Variants in PCDHA4 observed in about 807,000 individuals in gnomAD.
The protein encoded by PCDHA4 is protocadherin alpha 4.
In PCDHA4, 49 loss-of-function variants were observed where a neutral mutation model predicts 61.4. The observed-to-expected ratio is 0.80, with a 90% CI of 0.63 to 1.01. The LOEUF (loss-of-function observed/expected upper bound fraction) is 1.01, where lower values mean the gene tolerates loss of function less well. Among genes scored for constraint, PCDHA4 ranks in the 50% least tolerant of loss-of-function variants. The pLI, the probability that PCDHA4 is intolerant of heterozygous loss-of-function variation, is 0.00. For synonymous variants in PCDHA4, 590 were observed against 550.3 expected, an observed-to-expected ratio of 1.07 and a Z score of -1.01; for missense variants, 1,254 against 1,235.8, an observed-to-expected ratio of 1.01 and a Z score of -0.22.
chr5:140,905,086 G>A (rs1454643340), intron 1 of PCDHA4, among the ~76,000 whole-genome samples: 1 of 152,056 alleles, frequency 6.6e-6, no homozygotes, highest in Non-Finnish European at 1.5e-5. Flanking sequence ...CTTTCTTTTG[G>A]GTTCTCAGTC....
At chr5:140,969,251 A>T in intron 1 of PCDHA4, 3 of 1,614,262 alleles carry the variant, frequency 1.9e-6, no homozygotes, top group Non-Finnish European at 2.5e-6. Context: ...AGTGACTGAC[A>T]GCAGGAATCT....
At chr5:140,865,232 A>T (rs577307618) in intron 1 of PCDHA4, 1 of 152,202 alleles carries the variant, frequency 6.6e-6, no homozygotes, top group Non-Finnish European at 1.5e-5. Context: ...ATCCCAGAGA[A>T]CACGTATTTA....
chr5:140,812,658 C>T (rs1765153974), intron 1 of PCDHA4: 1 of 152,166 alleles, frequency 6.6e-6, no homozygotes, highest in African/African-American at 2.4e-5. Context: ...CAAGATCTCA[C>T]TATGATGTAC....
chr5:140,856,154 G>C lies in PCDHA4; in HGVS notation c.2385+46582G>C, dbSNP rs147800828. The stretch of plus-strand genomic sequence containing the variant: ...CGGCCAGCTCCACTACTCAGTCTAC[G>C]AGGAGGCCAGACACGGCACCTTCGT... On this transcript the variant is annotated intron_variant, in intron 1 of 3. Transcript: ENST00000530339. 5.9e-5 allele frequency: 95 copies of C among 1,598,194 alleles called. 6 individuals are homozygous for C. The highest frequency in any genetic ancestry group is 7.7e-5 in the Non-Finnish European group (90 of 1,167,888).
At chr5:140,825,959 T>C (rs1434784676) in intron 1 of PCDHA4, 5 of 152,496 alleles carry the variant, frequency 3.3e-5, no homozygotes, top group African/African-American at 1.2e-4. Context: ...ATTTGTCTAC[T>C]CTTTTGAGGG....
chr5:140,810,209 A>G (rs1271368005), intron 1 of PCDHA4: 1 of 152,252 alleles, frequency 6.6e-6, no homozygotes, highest in Non-Finnish European at 1.5e-5. Flanking sequence ...GTACTATTTC[A>G]TAAATATACT....
chr5:140,983,807 G>T (rs1158459034), intron 3 of PCDHA4, among the ~76,000 whole-genome samples: 1 of 152,100 alleles, frequency 6.6e-6, no homozygotes, highest in African/African-American at 2.4e-5. Context: ...TGTGTAAAAG[G>T]TTTTTTCCCA....
chr5:140,924,896 AAAAAAAAAAT>A (rs1244420537), intron 1 of PCDHA4, among the ~76,000 whole-genome samples: 4 of 69,138 alleles, frequency 5.8e-5, no homozygotes, highest in African/African-American at 1.0e-4. Flanking sequence ...ACCTGTCTCA[AAAAAAAAAAT>A]AAAATAAAAT....
In PCDHA4 at chr5:140,843,765, A is replaced by G. The variant is rs2150366342; in HGVS notation, c.2385+34193A>G. 3 of 1,487,856 alleles carry G rather than the reference A, an allele frequency of 2.0e-6. No homozygotes were observed. In the South Asian group the frequency reaches 3.6e-5, roughly 18 times the overall value. The allele number at this position is 1,487,856 out of a possible 1,614,324, so 92.2% of individuals were successfully genotyped here. On this transcript the variant is annotated intron_variant, in intron 1 of 3. Transcript: ENST00000530339. ...CATAAATTCTATTTGTGGAAATTGT[A>G]GTTACTTTAAAAGTGTTTCAGATTT...
At chr5:140,841,181 C>A (rs1777072934) in intron 1 of PCDHA4, 2 of 1,156,492 alleles carry the variant, frequency 1.7e-6, no homozygotes, top group Non-Finnish European at 2.4e-6. Flanking sequence ...GGTCAATGTT[C>A]AAAGTCTTTT....
chr5:140,923,139 A>G (rs1213586565), intron 1 of PCDHA4, among the ~76,000 whole-genome samples: 3 of 152,188 alleles, frequency 2.0e-5, no homozygotes, highest in Non-Finnish European at 2.9e-5. Context: ...TGAAGGTGGA[A>G]TATAAAAAAA....
intron 1 of PCDHA4, chr5:140,836,329 T>C: frequency 6.2e-7 from 1 of 1,613,654 alleles, no homozygotes; most frequent in Non-Finnish European, 8.5e-7. Context: ...CGCCTTCTGG[T>C]GCTTGTGAAG....
intron 1 of PCDHA4, among the ~76,000 whole-genome samples, chr5:140,818,769 G>C (rs1766434605): frequency 6.6e-6 from 1 of 152,182 alleles, no homozygotes; most frequent in Non-Finnish European, 1.5e-5. Context: ...GCCTGAGGCT[G>C]CAATGAACTT....
intron 1 of PCDHA4, among the ~76,000 whole-genome samples, chr5:140,894,192 T>C (rs1554185971): frequency 4.6e-5 from 7 of 152,168 alleles, no homozygotes; most frequent in Non-Finnish European, 1.5e-5. Flanking sequence ...TTATATATTT[T>C]TTCTATGCTA....
intron 1 of PCDHA4, chr5:140,871,648 T>G: frequency 7.8e-7 from 1 of 1,275,766 alleles, no homozygotes. Context: ...AAATACCAAA[T>G]GATACACATC....
At position 140,876,392 on chromosome 5, in the gene PCDHA4, A is replaced by C. The variant is rs373053230; in HGVS notation, c.2385+66820A>C. ...ACAGGTGAAATTAGAATTTATGGTG[A>C]ACTGGATTTTGAAGAGAATAATGCC... On this transcript the variant is annotated intron_variant, in intron 1 of 3. Transcript: ENST00000530339. 1.2e-4 allele frequency: 194 copies of C among 1,613,822 alleles called. No individual in the cohort carries two copies. The highest frequency in any genetic ancestry group is 1.6e-4 in the Non-Finnish European group (184 of 1,179,914).
chr5:141,011,890 A>G lies in PCDHA4; in HGVS notation c.*1953A>G, dbSNP rs7701616. 0.061 allele frequency: 9,307 copies of G among 153,488 alleles called. 355 individuals carry two copies. The highest frequency in any genetic ancestry group is 0.11 in the South Asian group (541 of 4,828). The allele number at this position is 153,488 out of a possible 1,614,324, so 9.5% of individuals were successfully genotyped here. On this transcript the variant is annotated 3_prime_UTR_variant, in exon 4 of 4. Coordinates refer to ENST00000530339, the MANE Select transcript of PCDHA4 (RefSeq NM_018907.4). ...GTACAATTTAGAAGTTTGATTAATT[A>G]TATTATCTATTTAGGCATTAATATA... is the stretch of plus-strand genomic sequence containing the variant.
At chr5:140,919,175 T>C (rs1282672890) in intron 1 of PCDHA4, among the ~76,000 whole-genome samples, 1 of 152,248 alleles carries the variant, frequency 6.6e-6, no homozygotes, top group Non-Finnish European at 1.5e-5. Context: ...AGTTGCTATA[T>C]CTTCCTGATT....
At chr5:140,948,857 T>C (rs1554218731) in intron 1 of PCDHA4, among the ~76,000 whole-genome samples, 2 of 151,686 alleles carry the variant, frequency 1.3e-5, no homozygotes. Flanking sequence ...TGCCTTCTTA[T>C]ATTACTTCGG....
Sources: gnomAD v4.1 joint callset for allele counts (sites outside exome capture counted in the v4.1 genomes callset) on GRCh38, gnomAD v4.1.1 for gene constraint, MANE v1.5 for transcripts, NCBI Gene and HGNC (gene_info 2026-07-23, HGNC 2026-07-21) for gene names.